NAE1: variants seen among roughly 807,000 people sequenced by gnomAD.
NAE1 encodes NEDD8-activating enzyme E1 regulatory subunit.
A neutral mutation model predicts 88.0 loss-of-function variants in NAE1; 59 were observed. That is an observed-to-expected ratio of 0.67 (90% CI 0.54 to 0.83). The LOEUF (loss-of-function observed/expected upper bound fraction) is 0.83, where lower values mean the gene tolerates loss of function less well. Ranked by LOEUF, NAE1 falls within the 40% of genes least tolerant of loss-of-function variation. NAE1 has a pLI of 0.00. For missense variants in NAE1, 554 were observed against 632.8 expected, an observed-to-expected ratio of 0.88 and a Z score of 1.34; for synonymous variants, 186 against 208.9, an observed-to-expected ratio of 0.89 and a Z score of 0.95.
chr16:66,803,673 C>A (rs960944341), intron 19 of NAE1, among the ~76,000 whole-genome samples: 6 of 151,846 alleles, frequency 4.0e-5, no homozygotes, highest in Non-Finnish European at 7.4e-5. Context: ...TCACTGCAAC[C>A]TCCTCCTCCC....
At position 66,823,216 on chromosome 16, in the gene NAE1, T is replaced by A. The variant is rs765872085; in HGVS notation, c.401+11A>T. ...AGATTAAAATAAAAACATATTAACA[T>A]AAAAATTTACCTTTCAGGAAGCTGA... On this transcript the variant is annotated intron_variant, in intron 6 of 19. Coordinates refer to ENST00000290810, the MANE Select transcript of NAE1 (RefSeq NM_003905.4). The A allele has an allele frequency of 6.6e-7, 1 of 1,511,590 alleles. No homozygotes were observed. 93.6% of individuals were successfully genotyped at this position (1,511,590 alleles called of 1,614,324 possible).
At chr16:66,808,785 G>T (rs1029569005) in intron 16 of NAE1, 172 bp from the exon 17 acceptor site, 8 of 626,730 alleles carry the variant, frequency 1.3e-5, no homozygotes, top group Non-Finnish European at 2.2e-5. Flanking sequence ...AATGGACTCA[G>T]TGACCTAAAT....
chr16:66,811,718 C>T (rs1027224082), intron 13 of NAE1, among the ~76,000 whole-genome samples: 1 of 152,164 alleles, frequency 6.6e-6, no homozygotes, highest in African/African-American at 2.4e-5. Flanking sequence ...GTTTTCTTTA[C>T]GTCTATTTAC....
Position 66,830,929 on chromosome 16 carries a change from AG to A in NAE1, c.-31del, listed in dbSNP as rs747128166. 9.5e-5 allele frequency: 143 copies of A among 1,513,162 alleles called. No individual in the cohort carries two copies. The highest frequency in any genetic ancestry group is 1.4e-5 in the Non-Finnish European group (16 of 1,138,986). The allele number at this position is 1,513,162 out of a possible 1,614,324, so 93.7% of individuals were successfully genotyped here. A position where few individuals can be genotyped will look rare whatever the true frequency, so the allele number is the denominator to read the frequency against. On this transcript the variant is annotated 5_prime_UTR_variant, in exon 1 of 20. Coordinates refer to ENST00000290810, the MANE Select transcript of NAE1 (RefSeq NM_003905.4). The stretch of plus-strand genomic sequence containing the variant: ...GCGCCTGCCGCGCGGAAAACAGCCG[AG>A]CCCCTGCGGAGCGCCGCCACCAGCT...
intron 3 of NAE1, 30 bp from the exon 4 acceptor site, chr16:66,824,915 G>C (rs1960402597): frequency 6.3e-7 from 1 of 1,587,440 alleles, no homozygotes; most frequent in African/African-American, 1.4e-5. Flanking sequence ...GGAAAAAAAA[G>C]TAAAGCTTAC....
intron 19 of NAE1, 89 bp downstream of exon 19, chr16:66,805,687 TA>T (rs1959535777): frequency 9.6e-7 from 1 of 1,042,072 alleles, no homozygotes; most frequent in Non-Finnish European, 1.3e-6. Flanking sequence ...CTGACCTCCC[TA>T]ATTAAAATAG....
chr16:66,810,864 G>GA, intron 13 of NAE1, 92 bp from the exon 14 acceptor site: 2 of 1,094,736 alleles, frequency 1.8e-6, no homozygotes, highest in African/African-American at 1.6e-5. Flanking sequence ...TCCTTTTCAT[G>GA]AAAAAACACA....
At chr16:66,829,854 C>T (rs987141748) in intron 1 of NAE1, among the ~76,000 whole-genome samples, 1 of 152,160 alleles carries the variant, frequency 6.6e-6, no homozygotes, top group Non-Finnish European at 1.5e-5. Context: ...CTGAGATGTG[C>T]TGGTAAGTGT....
At chr16:66,812,679 G>A (rs1959856978) in intron 13 of NAE1, among the ~76,000 whole-genome samples, 1 of 151,230 alleles carries the variant, frequency 6.6e-6, no homozygotes, top group East Asian at 1.9e-4. Flanking sequence ...CACCACACCT[G>A]GCTAATTTTT....
chr16:66,827,256 TATTTC>T (rs1960495756), intron 1 of NAE1, among the ~76,000 whole-genome samples: 1 of 151,628 alleles, frequency 6.6e-6, no homozygotes, highest in Middle Eastern at 3.2e-3. Context: ...TGCCCAGCCC[TATTTC>T]ATTTATTCTT....
At chr16:66,804,998 A>T (rs1229004316) in intron 19 of NAE1, among the ~76,000 whole-genome samples, 5 of 152,214 alleles carry the variant, frequency 3.3e-5, no homozygotes, top group African/African-American at 1.2e-4. Context: ...GACTAAGACA[A>T]GGGGGAAGTA....
At chr16:66,808,486 C>A (rs1488495852) in intron 17 of NAE1, 35 bp downstream of exon 17, 8 of 1,299,692 alleles carry the variant, frequency 6.2e-6, no homozygotes, top group African/African-American at 1.5e-5. Flanking sequence ...TATTGAAGAT[C>A]TTATTATATC....
chr16:66,817,515 A>G lies in NAE1; in HGVS notation c.622-28T>C, dbSNP rs377534073. On this transcript the variant is annotated intron_variant, in intron 8 of 19. Transcript: ENST00000290810. ...AAAAATGAGAGACAAATAAAAGAAAATATCAGTATTATGAATTCTTCACTG... is the reference window on the plus strand; with the variant it reads ...AAAAATGAGAGACAAATAAAAGAAAGTATCAGTATTATGAATTCTTCACTG... The G allele has an allele frequency of 5.5e-6, 8 of 1,451,466 alleles. No homozygotes were observed. The African/African-American group carries it at 1.0e-4, about 18-fold the overall frequency. 89.9% of individuals were successfully genotyped at this position (1,451,466 alleles called of 1,614,324 possible). A position where few individuals can be genotyped will look rare whatever the true frequency, so the allele number is the denominator to read the frequency against.
At chr16:66,812,799 G>A (rs1191414723) in intron 13 of NAE1, among the ~76,000 whole-genome samples, 3 of 150,336 alleles carry the variant, frequency 2.0e-5, no homozygotes, top group East Asian at 2.0e-4. Context: ...GATTACAGGC[G>A]TGAGCCACCA....
chr16:66,808,453 G>A, intron 17 of NAE1, 68 bp downstream of exon 17: 2 of 1,086,224 alleles, frequency 1.8e-6, no homozygotes, highest in Non-Finnish European at 2.8e-6. Flanking sequence ...AATACCCTGA[G>A]AACACTTTCA....
chr16:66,815,687 G>A (rs1342735164), intron 11 of NAE1, among the ~76,000 whole-genome samples: 1 of 144,554 alleles, frequency 6.9e-6, no homozygotes, highest in African/African-American at 2.6e-5. Flanking sequence ...TTGAGACAGA[G>A]TCTCGCTCTT....
chr16:66,817,006 G>A lies in NAE1; in HGVS notation c.707C>T (p.Thr236Met), dbSNP rs747074472. The A allele has an allele frequency of 5.0e-6, 8 of 1,597,316 alleles. No individual in the cohort carries two copies. The highest frequency in any genetic ancestry group is 2.3e-5 in the South Asian group (2 of 86,372). Reference protein sequence around the residue: ...YSETNGRIPKTYKEKEDFRDL... With the variant: ...YSETNGRIPKMYKEKEDFRDL... ...TCTGAAGTCCTCTTTTTCTTTATAC[G>A]TTTTAGGTATTCGTCCATTTGTCTA... is the stretch of plus-strand genomic sequence containing the variant. Residue 236 changes from threonine (T) to methionine (M), a missense_variant, in exon 10 of 20, where the codon ACG (threonine) becomes ATG (methionine). Thr to Met is a moderately conservative substitution (Grantham distance 81). Transcript: ENST00000290810.
Position 66,830,937 on chromosome 16 carries a change from C to T in NAE1, c.-38G>A, listed in dbSNP as rs778240167. On this transcript the variant is annotated 5_prime_UTR_variant, in exon 1 of 20. Coordinates refer to ENST00000290810, the MANE Select transcript of NAE1 (RefSeq NM_003905.4). ...CGCGCGGAAAACAGCCGAGCCCCTG[C>T]GGAGCGCCGCCACCAGCTCCACAAG... 5.6e-5 allele frequency: 83 copies of T among 1,494,808 alleles called. No individual in the cohort carries two copies. The highest frequency in any genetic ancestry group is 7.1e-5 in the Non-Finnish European group (80 of 1,129,466). 92.6% of individuals were successfully genotyped at this position (1,494,808 alleles called of 1,614,324 possible).
chr16:66,818,401 T>C (rs1411719528), intron 8 of NAE1, 127 bp downstream of exon 8: 1 of 694,620 alleles, frequency 1.4e-6, no homozygotes, highest in African/African-American at 1.9e-5. Context: ...ATACTGTTAT[T>C]GGGTAATCGG....
Sources: gnomAD v4.1 joint callset for allele counts (sites outside exome capture counted in the v4.1 genomes callset) on GRCh38, gnomAD v4.1.1 for gene constraint, MANE v1.5 for transcripts, NCBI Gene and HGNC (gene_info 2026-07-23, HGNC 2026-07-21) for gene names.